The following SIPA1L3 variants were observed in gnomAD, a reference collection of about 807,000 sequenced individuals.
SIPA1L3 encodes the protein signal-induced proliferation-associated 1-like protein 3.
A neutral mutation model predicts 150.1 loss-of-function variants in SIPA1L3; 59 were observed. The observed-to-expected ratio is 0.39, with a 90% CI of 0.32 to 0.49. SIPA1L3 has a LOEUF of 0.49. Among genes scored for constraint, SIPA1L3 ranks in the 20% least tolerant of loss-of-function variants. The pLI, the probability that SIPA1L3 is intolerant of heterozygous loss-of-function variation, is 0.86. For synonymous variants in SIPA1L3, 1,070 were observed against 1,077.6 expected (o/e 0.99, Z 0.14); for missense variants, 2,211 against 2,489.5 (o/e 0.89, Z 2.38).
At chr19:38,123,984 C>CA (rs1210581323) in intron 9 of SIPA1L3, among the ~76,000 whole-genome samples, 2 of 131,270 alleles carry the variant, frequency 1.5e-5, no homozygotes, top group Admixed American at 7.8e-5. Context: ...AACCCCCCCC[C>CA]ACCTCCCTCC....
intron 18 of SIPA1L3, among the ~76,000 whole-genome samples, chr19:38,195,966 G>T (rs1342894230): frequency 6.6e-6 from 1 of 152,022 alleles, no homozygotes; most frequent in Non-Finnish European, 1.5e-5. Flanking sequence ...TGTGACCCCA[G>T]CTCAGGTCCC....
At chr19:38,126,777 C>A (rs933880769) in intron 9 of SIPA1L3, among the ~76,000 whole-genome samples, 1 of 152,040 alleles carries the variant, frequency 6.6e-6, no homozygotes, top group Non-Finnish European at 1.5e-5. Context: ...CTGAGGTGAT[C>A]TGCCCACCTC....
intron 1 of SIPA1L3, among the ~76,000 whole-genome samples, chr19:37,940,816 A>G (rs74692184): frequency 1.2e-3 from 188 of 152,126 alleles, no homozygotes; most frequent in Non-Finnish European, 2.4e-3. Context: ...CCCTGACCTC[A>G]AAGGATCCTC....
intron 12 of SIPA1L3, among the ~76,000 whole-genome samples, chr19:38,151,940 T>G (rs1971833383): frequency 7.7e-6 from 1 of 130,204 alleles, no homozygotes; most frequent in Non-Finnish European, 1.6e-5. Context: ...CCAGCCTGGT[T>G]GACAGAGCAA....
chr19:38,202,747 C>T (rs139659277), intron 20 of SIPA1L3, among the ~76,000 whole-genome samples: 2,781 of 152,280 alleles, frequency 0.018, 78 homozygotes, highest in African/African-American at 0.062. Context: ...GCCTCACGCT[C>T]ACCCTTCCCA....
chr19:37,926,183 G>T (rs1484415090), intron 1 of SIPA1L3, among the ~76,000 whole-genome samples: 1 of 152,122 alleles, frequency 6.6e-6, no homozygotes, highest in Non-Finnish European at 1.5e-5. Context: ...ATCCTTTCTT[G>T]CTGTGAGGGT....
chr19:38,147,904 G>T (rs1971735416), intron 12 of SIPA1L3, among the ~76,000 whole-genome samples: 1 of 152,136 alleles, frequency 6.6e-6, no homozygotes, highest in African/African-American at 2.4e-5. Flanking sequence ...CGGGACTATG[G>T]TTCCAGAGGG....
intron 1 of SIPA1L3, among the ~76,000 whole-genome samples, chr19:37,938,383 A>T (rs1253670229): frequency 6.6e-6 from 1 of 152,148 alleles, no homozygotes; most frequent in Non-Finnish European, 1.5e-5. Context: ...GCTTTGCCAG[A>T]TATTACTGAG....
At chr19:38,127,979 C>G (rs1479444929) in intron 9 of SIPA1L3, among the ~76,000 whole-genome samples, 1 of 151,332 alleles carries the variant, frequency 6.6e-6, no homozygotes, top group Non-Finnish European at 1.5e-5. Flanking sequence ...GTGAGGGCCC[C>G]TTTCAACTTC....
intron 9 of SIPA1L3, among the ~76,000 whole-genome samples, chr19:38,123,975 A>AC (rs71179415): frequency 4.3e-4 from 53 of 123,496 alleles, no homozygotes; most frequent in Admixed American, 9.4e-4. Flanking sequence ...CGGGGGGCCA[A>AC]CCCCCCCCCA....
intron 13 of SIPA1L3, among the ~76,000 whole-genome samples, chr19:38,156,855 A>T (rs1472165205): frequency 6.6e-6 from 1 of 152,108 alleles, no homozygotes; most frequent in Non-Finnish European, 1.5e-5. Context: ...TGTGAGGTCT[A>T]CAATGTATTC....
At position 38,119,864 on chromosome 19, in the gene SIPA1L3, G is replaced by A. The variant is rs59185302; in HGVS notation, c.2850G>A (p.Glu950=). The A allele has an allele frequency of 0.14, 218,771 of 1,608,992 alleles. 15,373 individuals are homozygous for A. The highest frequency in any genetic ancestry group is 0.19 in the African/African-American group (14,097 of 74,906). ...ATEGSVEDIR[E]IVQRLKVMTS... ...AGGGTTCTGTGGAGGACATAAGGGA[G>A]ATAGTGCAGAGACTGAAGGTAAGGG... The change falls in exon 9 of 22, where the codon GAG becomes GAA. Residue 950 remains glutamate, a synonymous_variant. Coordinates refer to ENST00000222345, the MANE Select transcript of SIPA1L3 (RefSeq NM_015073.3).
intron 15 of SIPA1L3, among the ~76,000 whole-genome samples, chr19:38,179,582 T>G (rs1432295389): frequency 6.6e-6 from 1 of 152,214 alleles, no homozygotes; most frequent in African/African-American, 2.4e-5. Flanking sequence ...TATAAAACTT[T>G]TCTCCAATAT....
rs1308733444 is a variant in SIPA1L3 at position 38,085,890 on chromosome 19, G to A, written c.1534+2791G>A. 2.8e-4 allele frequency among the ~76,000 whole-genome samples: 42 copies of A among 152,122 alleles called. 1 individual carries two copies. Among genetic ancestry groups the A allele is most frequent in the Admixed American group, 2.7e-3 (42 of 15,276 alleles). Reference sequence around the variant, plus strand: ...GGGTGCCTGTAATCCCAGCTACTTGGGAGGCTGAGGCCGGAGAATCGCTTG... The same window carrying A: ...GGGTGCCTGTAATCCCAGCTACTTGAGAGGCTGAGGCCGGAGAATCGCTTG... On this transcript the variant is annotated intron_variant, in intron 3 of 21. Coordinates refer to ENST00000222345, the MANE Select transcript of SIPA1L3 (RefSeq NM_015073.3).
intron 1 of SIPA1L3, among the ~76,000 whole-genome samples, chr19:37,929,089 C>T (rs1466601736): frequency 5.9e-5 from 9 of 152,224 alleles, no homozygotes; most frequent in Non-Finnish European, 1.3e-4. Flanking sequence ...GATTCCCTGC[C>T]TCCCAGATTT....
At position 38,173,285 on chromosome 19, in the gene SIPA1L3, G is replaced by A. The variant is rs148085275; in HGVS notation, c.4208+8379G>A. ...CCCTACCCTCCCTTCCCCGGGCTGC[G>A]GCCCTTGCCGTGGAAGCAGGTGCAG... On this transcript the variant is annotated intron_variant, in intron 15 of 21. Coordinates refer to ENST00000222345, the MANE Select transcript of SIPA1L3 (RefSeq NM_015073.3). Among the ~76,000 whole-genome samples, 63 of 152,328 alleles carry A rather than the reference G, an allele frequency of 4.1e-4. No individual in the cohort carries two copies. The East Asian group carries it at 0.01, about 25-fold the overall frequency.
At chr19:38,022,017 G>A (rs1022717638) in intron 1 of SIPA1L3, among the ~76,000 whole-genome samples, 2 of 152,218 alleles carry the variant, frequency 1.3e-5, no homozygotes, top group African/African-American at 4.8e-5. Context: ...ATTGATGTCT[G>A]TATATGGAAG....
Position 38,065,915 on chromosome 19 carries a change from C to CTATCTATT in SIPA1L3, c.-310-15338_-310-15337insCTATTTAT, listed in dbSNP as rs74176413. On this transcript the variant is annotated intron_variant, in intron 2 of 21. Coordinates refer to ENST00000222345, the MANE Select transcript of SIPA1L3 (RefSeq NM_015073.3). Reference sequence around the variant, plus strand: ...CGGGTTTGATCTCTTATTTATTTATCTATTTATTTATTTATTTATTTATTT... The same window carrying CTATCTATT: ...CGGGTTTGATCTCTTATTTATTTATCTATCTATTTATTTATTTATTTATTTATTTATTT... 5.9e-4 allele frequency among the ~76,000 whole-genome samples: 75 copies of CTATCTATT among 127,656 alleles called. 1 individual carries two copies. Among genetic ancestry groups the CTATCTATT allele is most frequent in the African/African-American group, 1.5e-3 (51 of 33,018 alleles). The allele number at this position is 127,656 out of a possible 152,430, so 83.7% of individuals were successfully genotyped here.
In SIPA1L3 at chr19:38,119,537, C is replaced by T. The variant is rs368371284; in HGVS notation, c.2523C>T (p.Thr841=). 2.8e-5 allele frequency: 45 copies of T among 1,614,058 alleles called. No individual in the cohort carries two copies. The highest frequency in any genetic ancestry group is 8.0e-5 in the African/African-American group (6 of 74,922). ...TCTCCAACACCCCCATCGACTCCAC[C>T]GGCAAATTCAACCTCATCTCCCTGA... ...NCVSNTPIDS[T]GKFNLISLTS... Residue 841 remains threonine (T), a synonymous_variant, in exon 9 of 22, where the codon ACC becomes ACT. Transcript: ENST00000222345.
Sources: gnomAD v4.1 joint callset for allele counts (sites outside exome capture counted in the v4.1 genomes callset) on GRCh38, gnomAD v4.1.1 for gene constraint, MANE v1.5 for transcripts, NCBI Gene and HGNC (gene_info 2026-07-23, HGNC 2026-07-21) for gene names.